The following PKD1 variants were observed in gnomAD, a reference collection of about 807,000 sequenced individuals.
PKD1 encodes the protein polycystin-1.
PKD1 carries 81 observed loss-of-function variants against 361.7 expected under a neutral mutation model. The observed-to-expected ratio is 0.22, with a 90% CI of 0.19 to 0.27. PKD1 has a LOEUF of 0.27. PKD1 is among the 10% of genes least tolerant of loss of function. The pLI is 1.00. For synonymous variants in PKD1, 3,615 were observed against 2,818.3 expected (o/e 1.28, Z -8.95); for missense variants, 6,399 against 6,118.3 (o/e 1.05, Z -1.53).
intron 26 of PKD1, chr16:2,101,812 A>G (rs2092109440): frequency 3.3e-6 from 2 of 600,326 alleles, no homozygotes; most frequent in Non-Finnish European, 3.0e-6. Flanking sequence ...TTGTGGGGCC[A>G]CGCTACTGTG....
At position 2,091,074 on chromosome 16, in the gene PKD1, C is replaced by T. The variant is rs944432348; in HGVS notation, c.11813G>A (p.Arg3938Gln). 32 of 1,513,606 alleles carry T rather than the reference C, an allele frequency of 2.1e-5. No individual in the cohort carries two copies. The highest frequency in any genetic ancestry group is 2.1e-5 in the Non-Finnish European group (24 of 1,136,548). 93.8% of individuals were successfully genotyped at this position (1,513,606 alleles called of 1,614,324 possible). ...CGCCGTCAGCGCCACCAGCAGCCAC[C>T]GCGCCCAGGCTCCGAGCCGCAGCAC... ...WRVLRLGAWA[R>Q]WLLVALTAAT... The change falls in exon 43 of 46, where the codon CGG becomes CAG. Residue 3938 changes from arginine (R) to glutamine (Q), a missense_variant. Physicochemically the swap from Arg to Gln is conservative, Grantham distance 43 (BLOSUM62 1). Coordinates refer to ENST00000262304, the MANE Select transcript of PKD1 (RefSeq NM_001009944.3).
In PKD1 at chr16:2,100,945, G is replaced by A. The variant is rs143804574; in HGVS notation, c.9398-379C>T. On this transcript the variant is annotated intron_variant, in intron 26 of 45. Coordinates refer to ENST00000262304, the MANE Select transcript of PKD1 (RefSeq NM_001009944.3). The surrounding 1 kb of genome is among the most constrained non-coding windows in gnomAD (Gnocchi z 4.4). ...TGCACAGACTGCAAAGCGTGAAGCT[G>A]TGTCACCTCCTCTCCCAGTGACAGA... Among the ~76,000 whole-genome samples, 6,987 of 151,970 alleles carry A rather than the reference G, an allele frequency of 0.046. 530 individuals carry two copies. The highest frequency in any genetic ancestry group is 0.16 in the African/African-American group (6,543 of 41,440).
chr16:2,126,909 G>A (rs1244724709), intron 1 of PKD1, among the ~76,000 whole-genome samples: 4 of 152,106 alleles, frequency 2.6e-5, no homozygotes, highest in Non-Finnish European at 4.4e-5. Flanking sequence ...TTGCAGATGC[G>A]GGACCCACAT....
At position 2,092,490 on chromosome 16, in the gene PKD1, C is replaced by G; in HGVS notation, c.11259G>C (p.Arg3753=). The G allele has an allele frequency of 1.9e-6, 3 of 1,606,138 alleles. No individual in the cohort carries two copies. Among genetic ancestry groups the G allele is most frequent in the Non-Finnish European group, 2.6e-6 (3 of 1,174,658 alleles). Residue 3753 remains arginine, a synonymous_variant, in exon 39 of 46, where the codon CGG becomes CGC. Transcript: ENST00000262304. ...ELGPPRLRQV[R]LQEALYPDPP... is the part of the protein sequence containing the mutation. The stretch of plus-strand genomic sequence containing the variant: ...GCCCTGCCAGCTCACCTTCCTGCAG[C>G]CGCACCTGCCGCAGCCGTGGGGGCC...
Position 2,106,457 on chromosome 16 carries a change from C to CT in PKD1, c.7429_7430insA (p.Arg2477GlnfsTer24). Reference sequence around the variant, plus strand: ...GTGCACAGCGCCCAGTGGGAAGAGGCGGCAAGAGCCCCCCAGCGGCGGGCG... The same window carrying CT: ...GTGCACAGCGCCCAGTGGGAAGAGGCTGGCAAGAGCCCCCCAGCGGCGGGCG... On this transcript the variant is annotated frameshift_variant, in exon 18 of 46. Coordinates refer to ENST00000262304, the MANE Select transcript of PKD1 (RefSeq NM_001009944.3). LOFTEE classifies it high-confidence loss of function. This position sits in a 1 kb window ranked among gnomAD's most constrained non-coding sequence, Gnocchi z 6.5. 6.3e-7 allele frequency: 1 copy of CT among 1,589,794 alleles called. No homozygotes were observed. The highest frequency in any genetic ancestry group is 8.5e-7 in the Non-Finnish European group (1 of 1,174,058).
At chr16:2,093,279 G>A (rs1596486826) in intron 37 of PKD1, 186 bp from the exon 38 acceptor site, 1 of 739,882 alleles carries the variant, frequency 1.4e-6, no homozygotes, top group East Asian at 2.7e-5. Flanking sequence ...CCCCACCTGG[G>A]GGCAGACACA....
Position 2,092,465 on chromosome 16 carries a change from G to A in PKD1, c.11269+15C>T, listed in dbSNP as rs760562805. 51 of 1,530,538 alleles carry A rather than the reference G, an allele frequency of 3.3e-5. No homozygotes were observed. Among genetic ancestry groups the A allele is most frequent in the Non-Finnish European group, 4.2e-5 (46 of 1,106,948 alleles). 94.8% of individuals were successfully genotyped at this position (1,530,538 alleles called of 1,614,324 possible). On this transcript the variant is annotated intron_variant, in intron 39 of 45. Transcript: ENST00000262304. ...AGGAACGATTTAAGTCTTGGGGCAC[G>A]CCCTGCCAGCTCACCTTCCTGCAGC...
At position 2,089,876 on chromosome 16, in the gene PKD1, G is replaced by C; in HGVS notation, c.12763C>G (p.Pro4255Ala). 1 of 1,609,854 alleles carries C rather than the reference G, an allele frequency of 6.2e-7. No individual in the cohort carries two copies. The highest frequency in any genetic ancestry group is 8.5e-7 in the Non-Finnish European group (1 of 1,178,922). ...SLQGRRSSRA[P>A]AGSSRGPSPG... Reference sequence around the variant, plus strand: ...GATGGGCCACGGGAAGATCCGGCGGGCGCCCGGCTGCTCCTGCGGCCTTGC... The same window carrying C: ...GATGGGCCACGGGAAGATCCGGCGGCCGCCCGGCTGCTCCTGCGGCCTTGC... Residue 4255 changes from proline (P) to alanine (A), a missense_variant, in exon 46 of 46, where the codon CCC becomes GCC. By Grantham distance (27) the Pro-to-Ala change is conservative. Coordinates refer to ENST00000262304, the MANE Select transcript of PKD1 (RefSeq NM_001009944.3).
Position 2,106,418 on chromosome 16 carries a change from T to C in PKD1, c.7469A>G (p.Lys2490Arg), listed in dbSNP as rs1182076803. The C allele has an allele frequency of 6.3e-7, 1 of 1,589,668 alleles. No individual in the cohort carries two copies. The highest frequency in any genetic ancestry group is 8.5e-7 in the Non-Finnish European group (1 of 1,171,166). The change falls in exon 18 of 46, where the codon AAG becomes AGG. Residue 2490 changes from lysine (K) to arginine (R), a missense_variant. Transcript: ENST00000262304. The surrounding 1 kb of genome is among the most constrained non-coding windows in gnomAD (Gnocchi z 6.5). ...CTCACCCGTGCATTCGAAGTGCACCTTGGTGGTGAGGGCGTGCACAGCGCC... is the reference window on the plus strand; with the variant it reads ...CTCACCCGTGCATTCGAAGTGCACCCTGGTGGTGAGGGCGTGCACAGCGCC... ...PLGAVHALTTKVHFECTGWHD... is the reference protein window; with the variant it reads ...PLGAVHALTTRVHFECTGWHD...
Position 2,089,614 on chromosome 16 carries a change from T to C in PKD1, c.*113A>G, listed in dbSNP as rs773278017. 1.1e-5 allele frequency: 15 copies of C among 1,323,394 alleles called. No individual in the cohort carries two copies. Among genetic ancestry groups the C allele is most frequent in the Non-Finnish European group, 1.5e-5 (14 of 953,996 alleles). 82.0% of individuals were successfully genotyped at this position (1,323,394 alleles called of 1,614,324 possible). A position where few individuals can be genotyped will look rare whatever the true frequency, so the allele number is the denominator to read the frequency against. On this transcript the variant is annotated 3_prime_UTR_variant, in exon 46 of 46. Coordinates refer to ENST00000262304, the MANE Select transcript of PKD1 (RefSeq NM_001009944.3). Reference sequence around the variant, plus strand: ...CAGACAGATGCCCCTGCCTGCTCTCTGGGGAACCTACGTGCAGCCATTCTG... The same window carrying C: ...CAGACAGATGCCCCTGCCTGCTCTCCGGGGAACCTACGTGCAGCCATTCTG...
chr16:2,130,087 A>AT (rs969531273), intron 1 of PKD1, among the ~76,000 whole-genome samples: 5 of 151,942 alleles, frequency 3.3e-5, no homozygotes, highest in African/African-American at 9.7e-5. Context: ...TCTTGTCCAC[A>AT]TTTTTGTCCA....
At position 2,111,719 on chromosome 16, in the gene PKD1, G is replaced by T. The variant is rs746052010; in HGVS notation, c.3448C>A (p.Pro1150Thr). ...AGAACACCCCCAGGCGAGGGCAGCG[G>T]GTGCGGGTAGAAGGTGACGGGCCGG... ...AGRPVTFYPH[P>T]LPSPGGVLYT... Residue 1150 changes from proline (P) to threonine (T), a missense_variant, in exon 15 of 46, where the codon CCG (proline) becomes ACG (threonine). Transcript: ENST00000262304. The T allele has an allele frequency of 6.3e-7, 1 of 1,592,164 alleles. No individual in the cohort carries two copies. Among genetic ancestry groups the T allele is most frequent in the African/African-American group, 1.3e-5 (1 of 74,700 alleles).
intron 1 of PKD1, among the ~76,000 whole-genome samples, chr16:2,130,478 G>C (rs556065821): frequency 1.2e-4 from 18 of 152,248 alleles, no homozygotes; most frequent in Non-Finnish European, 5.9e-5. Flanking sequence ...AATCATCTGC[G>C]TGTTGGTTGA....
rs750700500 is a variant in PKD1, at chr16:2,089,860, C to G, written c.12779G>C (p.Arg4260Pro). ...RSSRAPAGSS[R>P]GPSPGLRPAL... is the part of the protein sequence containing the mutation. ...TGGCCGCAGGCCCGGGGATGGGCCA[C>G]GGGAAGATCCGGCGGGCGCCCGGCT... Residue 4260 changes from arginine to proline, a missense_variant, in exon 46 of 46, where the codon CGT becomes CCT. Arg to Pro is a moderately radical substitution (Grantham distance 103). Transcript: ENST00000262304. 11 of 1,608,806 alleles carry G rather than the reference C, an allele frequency of 6.8e-6. No homozygotes were observed. In the African/African-American group the frequency reaches 1.5e-4, roughly 21 times the overall value.
chr16:2,121,625 C>CA (rs2092722644), intron 1 of PKD1, among the ~76,000 whole-genome samples: 1 of 151,898 alleles, frequency 6.6e-6, no homozygotes, highest in Non-Finnish European at 1.5e-5. Context: ...GGTGAGTAGA[C>CA]AGAGAGCTGG....
rs1452197858 is a variant in PKD1 at position 2,097,974 on chromosome 16, C to G, written c.10061G>C (p.Ser3354Thr). ...CTGCCCGGCAGGTGTGGGGCTCGGG[C>G]TCCCAGCCACCTGCAGGACGAGGGC... The part of the protein sequence containing the change: ...FRMSRSKVAG[S>T]PSPTPAGQQV... The change falls in exon 31 of 46, where the codon AGC (serine) becomes ACC (threonine). Residue 3354 changes from serine to threonine, a missense_variant. Ser to Thr is a moderately conservative substitution (Grantham distance 58). Coordinates refer to ENST00000262304, the MANE Select transcript of PKD1 (RefSeq NM_001009944.3). 1 of 1,579,152 alleles carries G rather than the reference C, an allele frequency of 6.3e-7. No individual in the cohort carries two copies. The highest frequency in any genetic ancestry group is 1.3e-5 in the African/African-American group (1 of 74,374).
intron 30 of PKD1, chr16:2,099,214 G>A (rs376020149): frequency 4.9e-5 from 17 of 347,202 alleles, no homozygotes; most frequent in East Asian, 1.5e-4. Context: ...CGCCCACCTC[G>A]GCCACCTGAA....
chr16:2,116,985 T>C lies in PKD1; in HGVS notation c.1454A>G (p.Glu485Gly). The C allele has an allele frequency of 6.4e-7, 1 of 1,564,696 alleles. No homozygotes were observed. The highest frequency in any genetic ancestry group is 1.1e-5 in the South Asian group (1 of 89,006). Reference protein sequence around the residue: ...GVEVGPAPQGEAFSLESCQNW... With the variant: ...GVEVGPAPQGGAFSLESCQNW... ...CTGGCAGCTCTCCAGGCTGAAGGCC[T>C]CGCCCTGCGGCGCTGGGCCCACCTC... is the stretch of plus-strand genomic sequence containing the variant. The change falls in exon 7 of 46, where the codon GAG (glutamate) becomes GGG (glycine). Residue 485 changes from glutamate (E) to glycine (G), a missense_variant. Transcript: ENST00000262304.
Position 2,093,149 on chromosome 16 carries a change from G to A in PKD1, c.11017-56C>T, listed in dbSNP as rs568649237. The A allele has an allele frequency of 2.8e-5, 45 of 1,603,398 alleles. No homozygotes were observed. In the South Asian group the frequency reaches 3.2e-4, roughly 11 times the overall value. On this transcript the variant is annotated intron_variant, in intron 37 of 45. Transcript: ENST00000262304. ...TGGCCCCAGCCCACAGTGACAGCAGGGCTTTGGCAACGGCTGGAGCCATGG... is the reference window on the plus strand; with the variant it reads ...TGGCCCCAGCCCACAGTGACAGCAGAGCTTTGGCAACGGCTGGAGCCATGG...
Sources: gnomAD v4.1 joint callset for allele counts (sites outside exome capture counted in the v4.1 genomes callset) on GRCh38, gnomAD v4.1.1 for gene constraint, Gnocchi (gnomAD v3.1) non-coding constraint, MANE v1.5 for transcripts, NCBI Gene and HGNC (gene_info 2026-07-23, HGNC 2026-07-21) for gene names.